DOK5: variants seen among roughly 807,000 people sequenced by gnomAD.
The protein encoded by DOK5 is downstream of tyrosine kinase 5.
Under a neutral mutation model 43.3 loss-of-function variants are expected in DOK5, and 27 were observed. The ratio of observed to expected loss-of-function variants is 0.62; its 90% CI spans 0.46 to 0.86. DOK5 has a LOEUF of 0.86. DOK5 is among the 40% of genes least tolerant of loss of function. DOK5 has a pLI of 0.00. For missense variants in DOK5, 373 were observed against 392.9 expected, an observed-to-expected ratio of 0.95 and a Z score of 0.43; for synonymous variants, 146 against 140.1, an observed-to-expected ratio of 1.04 and a Z score of -0.30.
chr20:54,645,928 A>AAAAAAAAAAAAAAAT (rs1177332499), intron 7 of DOK5, among the ~76,000 whole-genome samples: 9 of 11,236 alleles, frequency 8.0e-4, no homozygotes, highest in African/African-American at 3.5e-3. Context: ...GATGCTGCAA[A>AAAAAAAAAAAAAAAT]AAAAAAAAAA....
At chr20:54,635,649 A>G (rs1039727452) in intron 6 of DOK5, among the ~76,000 whole-genome samples, 3 of 152,172 alleles carry the variant, frequency 2.0e-5, no homozygotes, top group Non-Finnish European at 4.4e-5. Flanking sequence ...TTGATGTCTT[A>G]TGTCTCCCTA....
chr20:54,602,743 C>T (rs1463608277), intron 5 of DOK5, among the ~76,000 whole-genome samples: 2 of 152,004 alleles, frequency 1.3e-5, no homozygotes, highest in Non-Finnish European at 2.9e-5. Flanking sequence ...GGCGTGATCT[C>T]GGCTCACTGC....
intron 1 of DOK5, among the ~76,000 whole-genome samples, chr20:54,516,625 G>A (rs1164639103): frequency 6.6e-6 from 1 of 152,082 alleles, no homozygotes; most frequent in Non-Finnish European, 1.5e-5. Context: ...TGATGGTGAT[G>A]GGAATCCAAC....
intron 6 of DOK5, among the ~76,000 whole-genome samples, chr20:54,611,636 T>G (rs1986654742): frequency 6.6e-6 from 1 of 152,226 alleles, no homozygotes; most frequent in Non-Finnish European, 1.5e-5. Context: ...AAATCATAAA[T>G]CATAAATGAA....
intron 1 of DOK5, among the ~76,000 whole-genome samples, chr20:54,517,675 C>T (rs6091911): frequency 6.6e-6 from 1 of 151,970 alleles, no homozygotes; most frequent in Admixed American, 6.6e-5. Context: ...TATTTATGCA[C>T]CCCCCGCTCC....
At chr20:54,530,874 A>G (rs1983748081) in intron 1 of DOK5, among the ~76,000 whole-genome samples, 2 of 152,200 alleles carry the variant, frequency 1.3e-5, no homozygotes, top group Admixed American at 1.3e-4. Context: ...TGACCCACAT[A>G]AGAATATAAG....
At chr20:54,523,149 G>A (rs111479402) in intron 1 of DOK5, among the ~76,000 whole-genome samples, 19 of 152,284 alleles carry the variant, frequency 1.2e-4, no homozygotes, top group African/African-American at 4.3e-4. Context: ...TTTGATTCCT[G>A]GCCATTGTAG....
At chr20:54,557,269 C>T (rs1984737197) in intron 2 of DOK5, among the ~76,000 whole-genome samples, 1 of 152,166 alleles carries the variant, frequency 6.6e-6, no homozygotes, top group South Asian at 2.1e-4. Flanking sequence ...ACAATTTTTC[C>T]ACAGACGGGG....
chr20:54,501,263 C>G (rs563107366), intron 1 of DOK5, among the ~76,000 whole-genome samples: 4 of 151,578 alleles, frequency 2.6e-5, no homozygotes, highest in Admixed American at 6.6e-5. Context: ...GTCAGGAGAT[C>G]GAGACTATCC....
intron 1 of DOK5, among the ~76,000 whole-genome samples, chr20:54,542,895 A>G (rs1217819911): frequency 6.6e-6 from 1 of 152,232 alleles, no homozygotes; most frequent in Admixed American, 6.5e-5. Flanking sequence ...GCTAGGTAGA[A>G]AATGGATTGC....
At chr20:54,640,364 G>A (rs1010348018) in intron 6 of DOK5, among the ~76,000 whole-genome samples, 8 of 152,168 alleles carry the variant, frequency 5.3e-5, no homozygotes, top group African/African-American at 1.9e-4. Flanking sequence ...TGCCACTTGT[G>A]GCCCTCCACT....
intron 2 of DOK5, among the ~76,000 whole-genome samples, chr20:54,566,469 G>A (rs1985101597): frequency 6.6e-6 from 1 of 152,158 alleles, no homozygotes; most frequent in Admixed American, 6.5e-5. Flanking sequence ...TCATATGGTA[G>A]TTGCACGTTT....
At chr20:54,476,106 C>T (rs1209501371) in intron 1 of DOK5, 94 bp downstream of exon 1, 1 of 1,572,626 alleles carries the variant, frequency 6.4e-7, no homozygotes, top group African/African-American at 1.3e-5. Context: ...AGTCCCCGGC[C>T]GCGCGCCGGA....
At chr20:54,566,649 C>T (rs1985108616) in intron 2 of DOK5, among the ~76,000 whole-genome samples, 1 of 152,150 alleles carries the variant, frequency 6.6e-6, no homozygotes. Flanking sequence ...CAGGATCTTG[C>T]TCTGTCACCC....
chr20:54,581,392 A>G (rs74687027), intron 2 of DOK5, among the ~76,000 whole-genome samples: 1 of 81,754 alleles, frequency 1.2e-5, no homozygotes, highest in Admixed American at 1.1e-4. Context: ...CCTATTTCTG[A>G]AAAAAAAAAA....
intron 2 of DOK5, among the ~76,000 whole-genome samples, chr20:54,557,329 A>G (rs926988989): frequency 2.6e-5 from 4 of 152,186 alleles, no homozygotes; most frequent in Non-Finnish European, 4.4e-5. Flanking sequence ...TCAAATGATT[A>G]GGCATTAGAT....
chr20:54,516,149 G>A lies in DOK5; in HGVS notation c.67-38784G>A, dbSNP rs544683426. ...TTTCCCCGTATATAATTCCTCAAGT[G>A]GGCAGAAGTGTATCTGGTTATATAA... On this transcript the variant is annotated intron_variant, in intron 1 of 7. Coordinates refer to ENST00000262593, the MANE Select transcript of DOK5 (RefSeq NM_018431.5). 2.2e-4 allele frequency among the ~76,000 whole-genome samples: 34 copies of A among 152,280 alleles called. No individual in the cohort carries two copies. The South Asian group carries it at 2.9e-3, about 13-fold the overall frequency.
At chr20:54,486,801 A>G (rs898003589) in intron 1 of DOK5, among the ~76,000 whole-genome samples, 2 of 152,164 alleles carry the variant, frequency 1.3e-5, no homozygotes, top group African/African-American at 2.4e-5. Context: ...TGCCTGACTC[A>G]TAGTAGAAAC....
At chr20:54,478,958 T>C (rs1981551485) in intron 1 of DOK5, among the ~76,000 whole-genome samples, 1 of 152,154 alleles carries the variant, frequency 6.6e-6, no homozygotes, top group Non-Finnish European at 1.5e-5. Flanking sequence ...TTTCAATGGA[T>C]GAAACTTTTA....
Sources: gnomAD v4.1 joint callset for allele counts (sites outside exome capture counted in the v4.1 genomes callset) on GRCh38, gnomAD v4.1.1 for gene constraint, MANE v1.5 for transcripts, NCBI Gene and HGNC (gene_info 2026-07-23, HGNC 2026-07-21) for gene names.